The following PSKH1 variants were observed in gnomAD, a reference collection of about 807,000 sequenced individuals.
The protein encoded by PSKH1 is serine/threonine-protein kinase H1.
In PSKH1, 12 loss-of-function variants were observed where a neutral mutation model predicts 26.7. The observed-to-expected ratio is 0.45, with a 90% CI of 0.29 to 0.73. PSKH1 has a LOEUF of 0.73. Ranked by LOEUF, PSKH1 falls within the 30% of genes least tolerant of loss-of-function variation. The probability of loss-of-function intolerance (pLI) is 0.11; values close to 1 mark genes in which losing one functional copy is unlikely to be tolerated. For synonymous variants in PSKH1, 213 were observed against 234.3 expected, an observed-to-expected ratio of 0.91 and a Z score of 0.83; for missense variants, 431 against 595.2, an observed-to-expected ratio of 0.72 and a Z score of 2.87.
At chr16:67,893,937 C>T (rs529942468) in intron 1 of PSKH1, among the ~76,000 whole-genome samples, 5 of 152,288 alleles carry the variant, frequency 3.3e-5, no homozygotes, top group African/African-American at 1.2e-4. Flanking sequence ...TGATAATTCC[C>T]ACCTGAAAAT....
chr16:67,918,465 C>G (rs2058193587), intron 2 of PSKH1, among the ~76,000 whole-genome samples: 1 of 152,030 alleles, frequency 6.6e-6, no homozygotes, highest in Non-Finnish European at 1.5e-5. Flanking sequence ...CACTCTGCTG[C>G]TACCTGGGTG....
chr16:67,911,937 CTGTT>C (rs906762543), intron 2 of PSKH1, among the ~76,000 whole-genome samples: 3 of 152,224 alleles, frequency 2.0e-5, no homozygotes, highest in Non-Finnish European at 4.4e-5. Flanking sequence ...GGGAGGGTAT[CTGTT>C]TGTACCACTC....
At position 67,905,225 on chromosome 16, in the gene PSKH1, G is replaced by A. The variant is rs1001232367; in HGVS notation, c.-70-3455G>A. Among the ~76,000 whole-genome samples the A allele has an allele frequency of 7.2e-5, 11 of 151,820 alleles. No individual in the cohort carries two copies. In the South Asian group the frequency reaches 2.1e-3, roughly 29 times the overall value. On this transcript the variant is annotated intron_variant, in intron 1 of 2. Transcript: ENST00000291041. Reference sequence around the variant, plus strand: ...TGCCTCTTTTCTTGTAAACCCTTTCGTAGCTCTCCTTCACTTCCCAGGAAG... The same window carrying A: ...TGCCTCTTTTCTTGTAAACCCTTTCATAGCTCTCCTTCACTTCCCAGGAAG...
At position 67,909,968 on chromosome 16, in the gene PSKH1, G is replaced by A; in HGVS notation, c.957+262G>A. On this transcript the variant is annotated intron_variant, in intron 2 of 2. Coordinates refer to ENST00000291041, the MANE Select transcript of PSKH1 (RefSeq NM_006742.3). This position sits in a 1 kb window ranked among gnomAD's most constrained non-coding sequence, Gnocchi z 7.8. ...GTGAAGGAGTGGGAAAAGTGAGGCA[G>A]GAAGGGAGAAAGTCAGTAGAGTATA... 1 of 561,988 alleles carries A rather than the reference G, an allele frequency of 1.8e-6. No individual in the cohort carries two copies. The highest frequency in any genetic ancestry group is 3.2e-6 in the Non-Finnish European group (1 of 315,562). The allele number at this position is 561,988 out of a possible 1,614,324, so 34.8% of individuals were successfully genotyped here.
intron 2 of PSKH1, among the ~76,000 whole-genome samples, chr16:67,919,060 T>G (rs576136108): frequency 1.1e-4 from 17 of 152,316 alleles, no homozygotes; most frequent in African/African-American, 3.8e-4. Flanking sequence ...TCCCCGCATA[T>G]GTCACAAGGA....
chr16:67,922,761 A>G (rs888408243), intron 2 of PSKH1, among the ~76,000 whole-genome samples: 6 of 152,210 alleles, frequency 3.9e-5, no homozygotes, highest in African/African-American at 1.4e-4. Context: ...TGGGCTTGCA[A>G]TCTAACCCTT....
At position 67,927,554 on chromosome 16, in the gene PSKH1, G is replaced by T. The variant is rs778967004; in HGVS notation, c.1187G>T (p.Arg396Leu). 3 of 1,613,730 alleles carry T rather than the reference G, an allele frequency of 1.9e-6. No individual in the cohort carries two copies. In the Admixed American group the frequency reaches 5.0e-5, roughly 27 times the overall value. ...TKSAQSTRSS[R>L]STRSNKSRRV... ...TCTGCCCAGTCCACGCGTTCCAGCC[G>T]CTCCACACGCTCCAATAAGTCACGC... The change falls in exon 3 of 3, where the codon CGC becomes CTC. Residue 396 changes from arginine to leucine, a missense_variant. Coordinates refer to ENST00000291041, the MANE Select transcript of PSKH1 (RefSeq NM_006742.3). The surrounding 1 kb of genome is among the most constrained non-coding windows in gnomAD (Gnocchi z 5.5).
rs752060680 is a variant in PSKH1 at position 67,927,275 on chromosome 16, G to A, written c.958-50G>A. ...CTGAGTAGTGGCCTCATCCAGATGG[G>A]GTGGGCAGTGTCAGATGCTCTCACT... On this transcript the variant is annotated intron_variant, in intron 2 of 2. Transcript: ENST00000291041. The surrounding 1 kb of genome is among the most constrained non-coding windows in gnomAD (Gnocchi z 5.5). 4.6e-6 allele frequency: 7 copies of A among 1,531,602 alleles called. No individual in the cohort carries two copies. In the South Asian group the frequency reaches 7.4e-5, roughly 16 times the overall value. 94.9% of individuals were successfully genotyped at this position (1,531,602 alleles called of 1,614,324 possible).
intron 1 of PSKH1, among the ~76,000 whole-genome samples, chr16:67,901,168 C>T (rs1598186469): frequency 6.6e-6 from 1 of 151,926 alleles, no homozygotes. Context: ...GGTCTAATAT[C>T]CTCCAGTTTC....
At chr16:67,924,491 T>C (rs2058210960) in intron 2 of PSKH1, among the ~76,000 whole-genome samples, 1 of 152,230 alleles carries the variant, frequency 6.6e-6, no homozygotes, top group African/African-American at 2.4e-5. Context: ...CCTCCAAGAC[T>C]GCACTGGTGA....
intron 2 of PSKH1, among the ~76,000 whole-genome samples, chr16:67,919,796 T>C (rs948273144): frequency 1.3e-5 from 2 of 152,150 alleles, no homozygotes; most frequent in Non-Finnish European, 2.9e-5. Flanking sequence ...AAGCTCTGAG[T>C]GGAGAAGAGC....
chr16:67,894,924 T>G (rs1338036096), intron 1 of PSKH1, among the ~76,000 whole-genome samples: 1 of 150,374 alleles, frequency 6.7e-6, no homozygotes, highest in Non-Finnish European at 1.5e-5. Context: ...TGAGTTAGTT[T>G]TTTTTTTTTT....
At chr16:67,911,198 C>G (rs1462003513) in intron 2 of PSKH1, among the ~76,000 whole-genome samples, 1 of 152,178 alleles carries the variant, frequency 6.6e-6, no homozygotes, top group African/African-American at 2.4e-5. Flanking sequence ...AGTGAGAACC[C>G]CCTCTTCTAG....
At chr16:67,897,839 A>C (rs966128852) in intron 1 of PSKH1, among the ~76,000 whole-genome samples, 1 of 152,076 alleles carries the variant, frequency 6.6e-6, no homozygotes, top group Non-Finnish European at 1.5e-5. Context: ...GGCACACAGC[A>C]TCACACCCAG....
chr16:67,898,601 GTTTTTCTTTC>G (rs1401557385), intron 1 of PSKH1, among the ~76,000 whole-genome samples: 1 of 150,626 alleles, frequency 6.6e-6, no homozygotes, highest in Non-Finnish European at 1.5e-5. Context: ...TTAGTAGACA[GTTTTTCTTTC>G]TTTTTCTTTC....
intron 1 of PSKH1, among the ~76,000 whole-genome samples, chr16:67,894,713 G>T (rs546257981): frequency 6.6e-6 from 1 of 152,160 alleles, no homozygotes; most frequent in Non-Finnish European, 1.5e-5. Context: ...ATAGGGGCTA[G>T]CCTCCAGTAG....
chr16:67,895,409 T>C (rs1019917114), intron 1 of PSKH1, among the ~76,000 whole-genome samples: 1 of 144,336 alleles, frequency 6.9e-6, no homozygotes, highest in Non-Finnish European at 1.5e-5. Context: ...TAGGAATCTG[T>C]ATTTTTTTTT....
intron 1 of PSKH1, among the ~76,000 whole-genome samples, chr16:67,901,405 C>T (rs2058141573): frequency 6.6e-6 from 1 of 152,116 alleles, no homozygotes; most frequent in Non-Finnish European, 1.5e-5. Context: ...GATCTCAGCT[C>T]ACTGCAACCT....
chr16:67,909,178 G>A lies in PSKH1; in HGVS notation c.429G>A (p.Glu143=). ...YREGREVCES[E]LRVLRRVRHA... is the part of the protein sequence containing the mutation. ...AGGGGCGGGAGGTGTGTGAGTCGGAGCTGCGTGTGCTGCGTCGGGTGCGTC... is the reference window on the plus strand; with the variant it reads ...AGGGGCGGGAGGTGTGTGAGTCGGAACTGCGTGTGCTGCGTCGGGTGCGTC... Residue 143 remains glutamate, a synonymous_variant, in exon 2 of 3, where the codon GAG becomes GAA. Transcript: ENST00000291041. The surrounding 1 kb of genome is among the most constrained non-coding windows in gnomAD (Gnocchi z 7.8). 1 of 1,614,180 alleles carries A rather than the reference G, an allele frequency of 6.2e-7. No homozygotes were observed. The highest frequency in any genetic ancestry group is 8.5e-7 in the Non-Finnish European group (1 of 1,180,042).
Sources: gnomAD v4.1 joint callset for allele counts (sites outside exome capture counted in the v4.1 genomes callset) on GRCh38, gnomAD v4.1.1 for gene constraint, Gnocchi (gnomAD v3.1) non-coding constraint, MANE v1.5 for transcripts, NCBI Gene and HGNC (gene_info 2026-07-23, HGNC 2026-07-21) for gene names.